The following WDR90 variants were observed in gnomAD, a reference collection of about 807,000 sequenced individuals.
WDR90 encodes WD repeat domain 90, also known as WD repeat-containing protein 90.
A neutral mutation model predicts 195.2 loss-of-function variants in WDR90; 238 were observed. The observed-to-expected ratio is 1.22, with a 90% CI of 1.10 to 1.36. The LOEUF is 1.36. Ranked by LOEUF, WDR90 falls within the 40% of genes most tolerant of loss-of-function variation. WDR90 has a pLI of 0.00. For missense variants in WDR90, 2,734 were observed against 2,439.5 expected, an observed-to-expected ratio of 1.12 and a Z score of -2.54; for synonymous variants, 1,265 against 1,052.4, an observed-to-expected ratio of 1.20 and a Z score of -3.91.
chr16:662,499 C>T (rs1291759391), intron 33 of WDR90, 168 bp downstream of exon 33: 10 of 1,180,728 alleles, frequency 8.5e-6, no homozygotes, highest in African/African-American at 3.1e-5. Flanking sequence ...TGGCTGCTGT[C>T]GAGTACGGGC....
At chr16:654,554 T>C (rs1226227073) in intron 13 of WDR90, 1 of 156,902 alleles carries the variant, frequency 6.4e-6, no homozygotes. Context: ...CTAATTTTTT[T>C]TTTTTGTATT....
intron 17 of WDR90, 153 bp downstream of exon 17, chr16:656,042 G>A (rs2037746266): frequency 1.0e-6 from 1 of 983,386 alleles, no homozygotes; most frequent in African/African-American, 1.7e-5. Context: ...AGAGCCCTGG[G>A]GCGGCTGATG....
intron 2 of WDR90, 36 bp downstream of exon 2, chr16:649,890 C>T: frequency 6.3e-7 from 1 of 1,578,924 alleles, no homozygotes; most frequent in Non-Finnish European, 8.6e-7. Flanking sequence ...GCCCACACCC[C>T]TGCCCTGCCC....
chr16:659,380 A>C lies in WDR90; in HGVS notation c.3184+4A>C. ...AGGCCTCCCGAAGGTGGCGATGGTG[A>C]GCAGCAGGGGTCCTGGAGGAGTGGG... On this transcript the variant is annotated splice_donor_region_variant and intron_variant, in intron 26 of 40. Transcript: ENST00000293879. The C allele has an allele frequency of 6.3e-7, 1 of 1,590,266 alleles. No homozygotes were observed. The highest frequency in any genetic ancestry group is 8.6e-7 in the Non-Finnish European group (1 of 1,169,546).
rs377033126 is a variant in WDR90 at position 656,788 on chromosome 16, A to G, written c.2259A>G (p.Thr753=). ...DAPCAVTFHP[T]RPTFFCGFSS... ...CGTGCGCTGTCACCTTCCACCCCACAAGGCCAACCTTTTTCTGTGGCTTTA... is the reference window on the plus strand; with the variant it reads ...CGTGCGCTGTCACCTTCCACCCCACGAGGCCAACCTTTTTCTGTGGCTTTA... The change falls in exon 19 of 41, where the codon ACA becomes ACG. Residue 753 remains threonine (T), a synonymous_variant. Coordinates refer to ENST00000293879, the MANE Select transcript of WDR90 (RefSeq NM_145294.5). 24 of 1,613,068 alleles carry G rather than the reference A, an allele frequency of 1.5e-5. No individual in the cohort carries two copies. In the African/African-American group the frequency reaches 2.1e-4, roughly 14 times the overall value.
rs745634832 is a variant in WDR90, at chr16:662,698, G to C, written c.4165G>C (p.Glu1389Gln). The C allele has an allele frequency of 2.6e-6, 4 of 1,560,324 alleles. No homozygotes were observed. The highest frequency in any genetic ancestry group is 3.5e-6 in the Non-Finnish European group (4 of 1,148,986). ...SGASSVFMEH[E>Q]LVLDGAVVSA... ...GTCCAGTTCTGTGTTCATGGAACAC[G>C]AGCTGGTGCTGGACGGGGCTGTGGT... is the stretch of plus-strand genomic sequence containing the variant. The change falls in exon 34 of 41, where the codon GAG becomes CAG. Residue 1389 changes from glutamate (E) to glutamine (Q), a missense_variant. Coordinates refer to ENST00000293879, the MANE Select transcript of WDR90 (RefSeq NM_145294.5).
In WDR90 at chr16:661,542, C is replaced by T. The variant is rs780644375; in HGVS notation, c.3673+41C>T. 6 of 1,532,118 alleles carry T rather than the reference C, an allele frequency of 3.9e-6. No individual in the cohort carries two copies. In the East Asian group the frequency reaches 1.3e-4, roughly 32 times the overall value. 94.9% of individuals were successfully genotyped at this position (1,532,118 alleles called of 1,614,324 possible). Reference sequence around the variant, plus strand: ...GGTGGAGGCCAGGGGCTTCCCTAGACCCCGGGGGGGGCTGCATCTGTGCAC... The same window carrying T: ...GGTGGAGGCCAGGGGCTTCCCTAGATCCCGGGGGGGGCTGCATCTGTGCAC... On this transcript the variant is annotated intron_variant, in intron 30 of 40. Transcript: ENST00000293879.
chr16:650,495 G>A (rs761434069), intron 4 of WDR90, 44 bp from the exon 5 acceptor site: 2 of 1,587,314 alleles, frequency 1.3e-6, no homozygotes, highest in Non-Finnish European at 1.7e-6. Flanking sequence ...GGAGTCGCGG[G>A]CTGTCAGGAG....
intron 34 of WDR90, chr16:665,380 T>G: frequency 1.7e-6 from 1 of 577,746 alleles, no homozygotes. Context: ...GTCTGTAGCC[T>G]GCTAGGGATG....
Position 656,464 on chromosome 16 carries a change from A to T in WDR90, c.2129A>T (p.Gln710Leu). Residue 710 changes from glutamine (Q) to leucine (L), a missense_variant, in exon 18 of 41, where the codon CAG becomes CTG. By Grantham distance (113) the Gln-to-Leu change is moderately radical. Transcript: ENST00000293879. ...TAPVLALAMEQRRGQLATVSQ... is the reference protein window; with the variant it reads ...TAPVLALAMELRRGQLATVSQ... ...CCGGTGTTGGCCCTCGCCATGGAGCAGAGGCGGGGACAGCTGGCCACCGTG... is the reference window on the plus strand; with the variant it reads ...CCGGTGTTGGCCCTCGCCATGGAGCTGAGGCGGGGACAGCTGGCCACCGTG... The T allele has an allele frequency of 6.3e-7, 1 of 1,590,558 alleles. No individual in the cohort carries two copies. The highest frequency in any genetic ancestry group is 8.5e-7 in the Non-Finnish European group (1 of 1,171,106).
At position 661,052 on chromosome 16, in the gene WDR90, C is replaced by G. The variant is rs752303720; in HGVS notation, c.3393C>G (p.Gly1131=). The change falls in exon 29 of 41, where the codon GGC becomes GGG. Residue 1131 remains glycine, a splice_region_variant and synonymous_variant. Coordinates refer to ENST00000293879, the MANE Select transcript of WDR90 (RefSeq NM_145294.5). The part of the protein sequence containing the change: ...RANMVWRPDT[G]FFAYTCGRLV... ...AGGCCCCGCCCTCTCTGCGCACAGG[C>G]TTCTTTGCCTACACGTGCGGCCGCC... The G allele has an allele frequency of 7.3e-7, 1 of 1,360,980 alleles. No individual in the cohort carries two copies. Among genetic ancestry groups the G allele is most frequent in the South Asian group, 1.3e-5 (1 of 78,888 alleles). The allele number at this position is 1,360,980 out of a possible 1,614,324, so 84.3% of individuals were successfully genotyped here. A position where few individuals can be genotyped will look rare whatever the true frequency, so the allele number is the denominator to read the frequency against.
rs775843043 is a variant in WDR90, at chr16:660,734, C to A, written c.3391+20C>A. ...ACACAGGTGGGGGCCAAGAGCCTAC[C>A]CCCACCCCCAGCCAAGATGCGGCCG... On this transcript the variant is annotated intron_variant, in intron 28 of 40. Coordinates refer to ENST00000293879, the MANE Select transcript of WDR90 (RefSeq NM_145294.5). The A allele has an allele frequency of 1.3e-6, 2 of 1,535,882 alleles. No homozygotes were observed. Among genetic ancestry groups the A allele is most frequent in the African/African-American group, 2.7e-5 (2 of 72,848 alleles).
chr16:661,209 C>A, intron 29 of WDR90, 37 bp downstream of exon 29: 1 of 1,519,962 alleles, frequency 6.6e-7, no homozygotes, highest in East Asian at 2.4e-5. Context: ...CTCCCAGGGC[C>A]ACCGTGCCCG....
At chr16:663,836 T>G (rs4984909) in intron 34 of WDR90, among the ~76,000 whole-genome samples, 82,766 of 152,102 alleles carry the variant, frequency 0.54, 26,083 homozygotes, top group East Asian at 0.98. Flanking sequence ...ACAGGTGCCA[T>G]TCCTTCCCCT....
intron 13 of WDR90, 154 bp from the exon 14 acceptor site, chr16:654,875 G>A: frequency 1.5e-6 from 1 of 647,926 alleles, no homozygotes; most frequent in Non-Finnish European, 2.7e-6. Flanking sequence ...AAGATGGAGG[G>A]GCTGGTTTCC....
Position 660,150 on chromosome 16 carries a change from C to A in WDR90, c.3277C>A (p.His1093Asn), listed in dbSNP as rs906315291. ...GCCTGCCAGGGTCAGCTGCAGCCCCCACTCTGCCAAGGTGGGGAGTGGTTT... is the reference window on the plus strand; with the variant it reads ...GCCTGCCAGGGTCAGCTGCAGCCCCAACTCTGCCAAGGTGGGGAGTGGTTT... Reference protein sequence around the residue: ...FTPARVSCSPHSAKGTCPPPA... With the variant: ...FTPARVSCSPNSAKGTCPPPA... The change falls in exon 27 of 41, where the codon CAC becomes AAC. Residue 1093 changes from histidine (H) to asparagine (N), a missense_variant. His to Asn is a moderately conservative substitution (Grantham distance 68, BLOSUM62 1). Coordinates refer to ENST00000293879, the MANE Select transcript of WDR90 (RefSeq NM_145294.5). 2.0e-6 allele frequency: 3 copies of A among 1,533,838 alleles called. No homozygotes were observed. Among genetic ancestry groups the A allele is most frequent in the African/African-American group, 1.4e-5 (1 of 72,676 alleles).
Position 662,351 on chromosome 16 carries a change from G to C in WDR90, c.4145+20G>C, listed in dbSNP as rs756095508. ...CGCCAGGTGAGCTGTTCACCCCTAC[G>C]TGTTTTGGCTGCACGTGGGTGTTGG... On this transcript the variant is annotated intron_variant, in intron 33 of 40. Coordinates refer to ENST00000293879, the MANE Select transcript of WDR90 (RefSeq NM_145294.5). 5 of 1,548,368 alleles carry C rather than the reference G, an allele frequency of 3.2e-6. No individual in the cohort carries two copies. Among genetic ancestry groups the C allele is most frequent in the Admixed American group, 1.9e-5 (1 of 51,336 alleles).
intron 40 of WDR90, 76 bp from the exon 41 acceptor site, chr16:667,356 A>G: frequency 6.6e-7 from 1 of 1,521,088 alleles, no homozygotes; most frequent in Non-Finnish European, 8.8e-7. Context: ...CAGTGGGGAC[A>G]GTCTGGGTGG....
intron 40 of WDR90, 108 bp downstream of exon 40, chr16:667,097 C>T: frequency 1.6e-6 from 2 of 1,214,986 alleles, no homozygotes; most frequent in Non-Finnish European, 2.4e-6. Flanking sequence ...GGCTCCTCGT[C>T]TCTGGGGTGG....
Sources: allele counts gnomAD v4.1 joint callset (sites outside exome capture counted in the v4.1 genomes callset), GRCh38; gene constraint gnomAD v4.1.1; transcripts MANE v1.5; gene names NCBI Gene and HGNC (gene_info 2026-07-23, HGNC 2026-07-21).